The following PHLDB2 variants were observed in gnomAD, a reference collection of about 807,000 sequenced individuals.
PHLDB2 encodes the protein pleckstrin homology-like domain family B member 2.
In PHLDB2, 71 loss-of-function variants were observed where a neutral mutation model predicts 123.6. The ratio of observed to expected loss-of-function variants is 0.57; its 90% CI spans 0.47 to 0.70. The LOEUF is 0.70. Ranked by LOEUF, PHLDB2 falls within the 30% of genes least tolerant of loss-of-function variation. The probability of loss-of-function intolerance (pLI) is 0.00; values close to 1 mark genes in which losing one functional copy is unlikely to be tolerated. For missense variants in PHLDB2, 1,446 were observed against 1,519.5 expected (o/e 0.95, Z 0.80); for synonymous variants, 547 against 541.6 (o/e 1.01, Z -0.14).
At chr3:111,854,744 CAAAG>C (rs1004420153), upstream of PHLDB2, among the ~76,000 whole-genome samples, 2 of 152,040 alleles carry the variant, frequency 1.3e-5, no homozygotes, top group Non-Finnish European at 2.9e-5. Context: ...GCTGAAAAGC[CAAAG>C]AAAGAGGCTG....
chr3:111,966,823 T>G, intron 14 of PHLDB2, 120 bp downstream of exon 14: 1 of 680,266 alleles, frequency 1.5e-6, no homozygotes, highest in Middle Eastern at 2.7e-4. Context: ...TCACTCAACC[T>G]TTCTCAGTCT....
intron 1 of PHLDB2, among the ~76,000 whole-genome samples, chr3:111,768,427 G>A (rs2060119101): frequency 6.6e-6 from 1 of 152,092 alleles, no homozygotes; most frequent in Non-Finnish European, 1.5e-5. Flanking sequence ...GTGTGTAGAG[G>A]AGAAAAATGT....
chr3:111,904,998 G>C (rs2107466304), intron 2 of PHLDB2, among the ~76,000 whole-genome samples: 1 of 152,328 alleles, frequency 6.6e-6, no homozygotes, highest in African/African-American at 2.4e-5. Context: ...TTATGAAAGA[G>C]AACGGCAATG....
intron 1 of PHLDB2, among the ~76,000 whole-genome samples, chr3:111,763,532 C>G (rs2060029625): frequency 1.3e-5 from 2 of 151,986 alleles, no homozygotes; most frequent in African/African-American, 4.8e-5. Flanking sequence ...CATAGTAAGC[C>G]CCATATGTCT....
Position 111,969,923 on chromosome 3 carries a change from A to AC in PHLDB2, c.3535+15dup. On this transcript the variant is annotated intron_variant, in intron 16 of 17. Coordinates refer to ENST00000431670, the MANE Select transcript of PHLDB2 (RefSeq NM_001134438.2). ...CTTATTATGCAGGTGGGTGATAAAAACAATTTAAGCCATATACTCAAATCA... is the reference window on the plus strand; with the variant it reads ...CTTATTATGCAGGTGGGTGATAAAAACCAATTTAAGCCATATACTCAAATCA... 1 of 1,611,082 alleles carries AC rather than the reference A, an allele frequency of 6.2e-7. No individual in the cohort carries two copies. The highest frequency in any genetic ancestry group is 1.1e-5 in the South Asian group (1 of 90,998).
intron 6 of PHLDB2, among the ~76,000 whole-genome samples, chr3:111,932,991 G>T (rs985124214): frequency 1.3e-5 from 2 of 152,194 alleles, no homozygotes; most frequent in Admixed American, 6.5e-5. Context: ...ACTTAATGCA[G>T]CATAGACTTT....
At chr3:111,836,835 C>G (rs4383483) in intron 1 of PHLDB2, among the ~76,000 whole-genome samples, 110,027 of 151,884 alleles carry the variant, frequency 0.72, 40,203 homozygotes, top group Middle Eastern at 0.85. Flanking sequence ...AAGAGTGGAC[C>G]ACCCCGATGA....
At chr3:111,920,070 GT>G (rs147052388) in intron 4 of PHLDB2, among the ~76,000 whole-genome samples, 1 of 152,166 alleles carries the variant, frequency 6.6e-6, no homozygotes, top group Non-Finnish European at 1.5e-5. Flanking sequence ...AAGATAGCTA[GT>G]TTTTTTAGTG....
At chr3:111,877,539 A>G (rs1385270001) in intron 1 of PHLDB2, among the ~76,000 whole-genome samples, 2 of 152,142 alleles carry the variant, frequency 1.3e-5, no homozygotes, top group Non-Finnish European at 2.9e-5. Context: ...TGATAATAGT[A>G]TCTTTTGCTG....
chr3:111,896,039 A>G (rs1028630892), intron 2 of PHLDB2, among the ~76,000 whole-genome samples: 2 of 152,138 alleles, frequency 1.3e-5, no homozygotes, highest in African/African-American at 2.4e-5. Context: ...TATGTTGTCC[A>G]GGCTGGAGTA....
At chr3:111,860,633 C>CA (rs1218147322) in intron 1 of PHLDB2, among the ~76,000 whole-genome samples, 4 of 152,152 alleles carry the variant, frequency 2.6e-5, no homozygotes, top group Non-Finnish European at 5.9e-5. Context: ...CTTGAGAAGT[C>CA]AAACTGCTTC....
At chr3:111,815,787 G>A (rs1433995084) in intron 1 of PHLDB2, among the ~76,000 whole-genome samples, 1 of 152,188 alleles carries the variant, frequency 6.6e-6, no homozygotes, top group Non-Finnish European at 1.5e-5. Flanking sequence ...CATAATTAAT[G>A]AGGAGTCAAA....
intron 1 of PHLDB2, among the ~76,000 whole-genome samples, chr3:111,839,097 C>G (rs910004127): frequency 6.6e-6 from 1 of 152,110 alleles, no homozygotes; most frequent in Non-Finnish European, 1.5e-5. Context: ...TGTGGTCACC[C>G]TCTTTGTCTC....
At chr3:111,900,088 T>C (rs552820453) in intron 2 of PHLDB2, among the ~76,000 whole-genome samples, 6 of 152,352 alleles carry the variant, frequency 3.9e-5, no homozygotes, top group African/African-American at 1.4e-4. Context: ...CTGCAGCTTC[T>C]TCACCTCATT....
chr3:111,862,263 A>AT (rs1400140886), intron 1 of PHLDB2, among the ~76,000 whole-genome samples: 1 of 151,730 alleles, frequency 6.6e-6, no homozygotes, highest in East Asian at 1.9e-4. Context: ...GGCTTTGTAC[A>AT]TTTTCTAGGT....
At chr3:111,894,568 A>G (rs1162174132) in intron 2 of PHLDB2, among the ~76,000 whole-genome samples, 2 of 151,688 alleles carry the variant, frequency 1.3e-5, no homozygotes, top group Non-Finnish European at 2.9e-5. Flanking sequence ...CCTCTCCAAC[A>G]TCTGTTGTTT....
intron 12 of PHLDB2, chr3:111,958,238 C>T: frequency 1.0e-6 from 1 of 984,948 alleles, no homozygotes; most frequent in Admixed American, 6.0e-5. Flanking sequence ...CCTGACTTGT[C>T]CTGTGCCCTC....
At chr3:111,878,507 A>G (rs557096253) in intron 1 of PHLDB2, among the ~76,000 whole-genome samples, 1 of 152,240 alleles carries the variant, frequency 6.6e-6, no homozygotes, top group East Asian at 1.9e-4. Context: ...AACAGAGACA[A>G]TTGACTTCCT....
At position 111,884,207 on chromosome 3, in the gene PHLDB2, T is replaced by C. The variant is rs761689763; in HGVS notation, c.130T>C (p.Ser44Pro). The C allele has an allele frequency of 6.2e-7, 1 of 1,614,158 alleles. No individual in the cohort carries two copies. The highest frequency in any genetic ancestry group is 8.5e-7 in the Non-Finnish European group (1 of 1,180,018). The stretch of plus-strand genomic sequence containing the variant: ...GGAGAGCCTCAGCCCAAAGAAATAC[T>C]CTTCCAGTCTGAGATTTAAAGCCAA... ...MMESLSPKKYSSSLRFKANGD... is the reference protein window; with the variant it reads ...MMESLSPKKYPSSLRFKANGD... Residue 44 changes from serine (S) to proline (P), a missense_variant, in exon 2 of 18, where the codon TCT (serine) becomes CCT (proline). Physicochemically the swap from Ser to Pro is moderately conservative, Grantham distance 74. This residue lies in a region of PHLDB2 where 832 missense variants were observed against 831.9 expected (regional missense o/e 1.00). Transcript: ENST00000431670.
Sources: gnomAD v4.1 joint callset for allele counts (sites outside exome capture counted in the v4.1 genomes callset) on GRCh38, gnomAD v4.1.1 for gene constraint, gnomAD v4.1.1 regional missense constraint, MANE v1.5 for transcripts, NCBI Gene and HGNC (gene_info 2026-07-23, HGNC 2026-07-21) for gene names.